The following GPR158 variants were observed in gnomAD, a reference collection of about 807,000 sequenced individuals.
The protein encoded by GPR158 is metabotropic glycine receptor.
GPR158 carries 30 observed loss-of-function variants against 78.2 expected under a neutral mutation model. The observed-to-expected ratio is 0.38, with a 90% confidence interval of 0.29 to 0.52. The LOEUF is 0.52. GPR158 is among the 20% of genes least tolerant of loss of function. The pLI is 0.83. For missense variants in GPR158, 1,463 were observed against 1,523.5 expected, an observed-to-expected ratio of 0.96 and a Z score of 0.66; for synonymous variants, 581 against 591.1, an observed-to-expected ratio of 0.98 and a Z score of 0.25.
chr10:25,219,925 T>C (rs544492024), intron 1 of GPR158, among the ~76,000 whole-genome samples: 1 of 152,328 alleles, frequency 6.6e-6, no homozygotes, highest in African/African-American at 2.4e-5. Flanking sequence ...ATATTTTAAA[T>C]TTGGTTTTTG....
chr10:25,436,909 A>G (rs1253693228), intron 4 of GPR158, among the ~76,000 whole-genome samples: 1 of 152,222 alleles, frequency 6.6e-6, no homozygotes, highest in Admixed American at 6.5e-5. Context: ...AATAGATAGA[A>G]GAAAAGAAAG....
intron 2 of GPR158, among the ~76,000 whole-genome samples, chr10:25,273,701 A>G (rs546509760): frequency 9.2e-4 from 139 of 151,894 alleles, no homozygotes; most frequent in Non-Finnish European, 1.6e-3. Context: ...TTTTTTTGAG[A>G]CAGGTTTTCC....
intron 5 of GPR158, among the ~76,000 whole-genome samples, chr10:25,526,599 A>AAGAG (rs1836350162): frequency 6.6e-6 from 1 of 152,258 alleles, no homozygotes; most frequent in African/African-American, 2.4e-5. Flanking sequence ...TAAAGATATA[A>AAGAG]AGAGAACTCA....
At chr10:25,271,673 A>G (rs577344153) in intron 2 of GPR158, among the ~76,000 whole-genome samples, 105 of 152,246 alleles carry the variant, frequency 6.9e-4, no homozygotes, top group Non-Finnish European at 1.6e-4. Flanking sequence ...ACTTAGAAAC[A>G]TTTTTGAGAT....
intron 7 of GPR158, among the ~76,000 whole-genome samples, chr10:25,580,585 T>C (rs771763091): frequency 1.3e-5 from 2 of 152,232 alleles, no homozygotes; most frequent in Non-Finnish European, 2.9e-5. Context: ...ATTTAATGAA[T>C]GTTACAGAAA....
intron 2 of GPR158, among the ~76,000 whole-genome samples, chr10:25,271,286 T>G (rs1339065823): frequency 6.6e-6 from 1 of 152,358 alleles, no homozygotes; most frequent in Non-Finnish European, 1.5e-5. Context: ...TTTACAAAAA[T>G]TTTTAATTAT....
rs913547112 is a variant in GPR158 at position 25,267,367 on chromosome 10, G to A, written c.1008+46210G>A. ...AGAGAAGAATCAGTGTCCAGTGAAG[G>A]GGAGGCTCATCAGATCTTGTGAGAA... On this transcript the variant is annotated intron_variant, in intron 2 of 10. Transcript: ENST00000376351. Among the ~76,000 whole-genome samples, 3 of 152,058 alleles carry A rather than the reference G, an allele frequency of 2.0e-5. No individual in the cohort carries two copies. The East Asian group carries it at 5.8e-4, about 29-fold the overall frequency.
rs1285499018 is a variant in GPR158, at chr10:25,276,280, A to G, written c.1008+55123A>G. On this transcript the variant is annotated intron_variant, in intron 2 of 10. Coordinates refer to ENST00000376351, the MANE Select transcript of GPR158 (RefSeq NM_020752.3). Reference sequence around the variant, plus strand: ...TGTACCCTAAGCAGAATCCACCCACATGCTGTTAGGTTCACTGGACTCTCT... The same window carrying G: ...TGTACCCTAAGCAGAATCCACCCACGTGCTGTTAGGTTCACTGGACTCTCT... 5.3e-5 allele frequency among the ~76,000 whole-genome samples: 8 copies of G among 152,344 alleles called. No individual in the cohort carries two copies. The East Asian group carries it at 1.5e-3, about 29-fold the overall frequency.
chr10:25,415,166 T>G (rs1451915123), intron 4 of GPR158, among the ~76,000 whole-genome samples: 8 of 152,094 alleles, frequency 5.3e-5, no homozygotes, highest in African/African-American at 1.7e-4. Context: ...ATGACAAAAG[T>G]AGATAAATTG....
intron 1 of GPR158, among the ~76,000 whole-genome samples, chr10:25,205,187 A>G (rs2130660859): frequency 6.6e-6 from 1 of 151,904 alleles, no homozygotes; most frequent in South Asian, 2.1e-4. Context: ...TAAATTACCA[A>G]GTTTCAGGTA....
At chr10:25,301,651 AAAG>A (rs1278084035) in intron 2 of GPR158, among the ~76,000 whole-genome samples, 2 of 152,204 alleles carry the variant, frequency 1.3e-5, no homozygotes, top group East Asian at 1.9e-4. Flanking sequence ...TTTCAAAAAA[AAAG>A]AAAATAGTTG....
chr10:25,586,939 G>C (rs561960538), intron 7 of GPR158, among the ~76,000 whole-genome samples: 1 of 152,218 alleles, frequency 6.6e-6, no homozygotes, highest in Non-Finnish European at 1.5e-5. Flanking sequence ...CAACAATATT[G>C]CCAGGGAAGA....
chr10:25,555,435 C>T (rs572029052), intron 6 of GPR158, among the ~76,000 whole-genome samples: 5 of 152,128 alleles, frequency 3.3e-5, no homozygotes, highest in Admixed American at 6.5e-5. Flanking sequence ...CCTTCAGGAA[C>T]CTTGGATGTG....
rs571534808 is a variant in GPR158, at chr10:25,225,533, A to T, written c.1008+4376A>T. On this transcript the variant is annotated intron_variant, in intron 2 of 10. Coordinates refer to ENST00000376351, the MANE Select transcript of GPR158 (RefSeq NM_020752.3). ...AAAGTATAGATTGAGTGAGGGCATT[A>T]ACATTAATCCAAGTCCTACATAAAA... is the stretch of plus-strand genomic sequence containing the variant. Among the ~76,000 whole-genome samples, 13 of 152,258 alleles carry T rather than the reference A, an allele frequency of 8.5e-5. No homozygotes were observed. In the South Asian group the frequency reaches 2.1e-3, roughly 24 times the overall value.
chr10:25,394,385 C>T (rs935982746), intron 2 of GPR158, among the ~76,000 whole-genome samples: 2 of 152,214 alleles, frequency 1.3e-5, no homozygotes, highest in Admixed American at 6.5e-5. Flanking sequence ...ATGCTCTTTC[C>T]ATAATACTAG....
intron 2 of GPR158, among the ~76,000 whole-genome samples, chr10:25,255,206 T>C (rs1853874669): frequency 6.6e-6 from 1 of 152,238 alleles, no homozygotes; most frequent in Non-Finnish European, 1.5e-5. Flanking sequence ...CAATTATAGC[T>C]GAATTTTGTT....
chr10:25,384,450 C>T (rs1254693934), intron 2 of GPR158, among the ~76,000 whole-genome samples: 1 of 152,100 alleles, frequency 6.6e-6, no homozygotes, highest in African/African-American at 2.4e-5. Flanking sequence ...AAATTCTGTT[C>T]ACAGTGTTCA....
chr10:25,354,992 T>C (rs1855528992), intron 2 of GPR158, among the ~76,000 whole-genome samples: 1 of 152,100 alleles, frequency 6.6e-6, no homozygotes, highest in Non-Finnish European at 1.5e-5. Context: ...ATCCTTTCTT[T>C]GTCTTGACCT....
chr10:25,220,051 TATC>T (rs1424630217), intron 1 of GPR158, among the ~76,000 whole-genome samples: 2 of 152,314 alleles, frequency 1.3e-5, no homozygotes, highest in Admixed American at 1.3e-4. Context: ...ATATGAGTGA[TATC>T]ATAATGAAAA....
Sources: gnomAD v4.1 joint callset for allele counts (sites outside exome capture counted in the v4.1 genomes callset) on GRCh38, gnomAD v4.1.1 for gene constraint, MANE v1.5 for transcripts, NCBI Gene and HGNC (gene_info 2026-07-23, HGNC 2026-07-21) for gene names.